GRM8: variants seen among roughly 807,000 people sequenced by gnomAD.
GRM8 encodes glutamate metabotropic receptor 8.
In GRM8, 47 loss-of-function variants were observed where a neutral mutation model predicts 87.2. That is an observed-to-expected ratio of 0.54 (90% CI 0.43 to 0.69). The LOEUF is 0.69. Among genes scored for constraint, GRM8 ranks in the 30% least tolerant of loss-of-function variants. The pLI is 0.00. For synonymous variants in GRM8, 396 were observed against 404.5 expected, an observed-to-expected ratio of 0.98 and a Z score of 0.25; for missense variants, 1,019 against 1,139.2, an observed-to-expected ratio of 0.89 and a Z score of 1.52.
At chr7:126,444,408 T>C (rs925910253) in intron 10 of GRM8, among the ~76,000 whole-genome samples, 2 of 152,112 alleles carry the variant, frequency 1.3e-5, no homozygotes, top group Non-Finnish European at 2.9e-5. Context: ...TTGCTTCGCA[T>C]ATTTCTTACT....
At chr7:126,450,970 A>G (rs2150482734) in intron 9 of GRM8, among the ~76,000 whole-genome samples, 1 of 152,034 alleles carries the variant, frequency 6.6e-6, no homozygotes, top group South Asian at 2.1e-4. Context: ...CTTGTACACA[A>G]GACCCTGTAA....
At chr7:127,024,895 C>T (rs1411132749) in intron 3 of GRM8, among the ~76,000 whole-genome samples, 2 of 152,074 alleles carry the variant, frequency 1.3e-5, no homozygotes, top group Non-Finnish European at 2.9e-5. Context: ...CTGCCCTGCC[C>T]TTCATACGAT....
At chr7:126,475,726 A>T (rs1418689885) in intron 9 of GRM8, among the ~76,000 whole-genome samples, 2 of 152,300 alleles carry the variant, frequency 1.3e-5, no homozygotes, top group East Asian at 3.9e-4. Flanking sequence ...TACATTACAA[A>T]GCTATAGTAA....
chr7:126,796,638 C>A (rs940641958), intron 6 of GRM8, among the ~76,000 whole-genome samples: 11 of 152,044 alleles, frequency 7.2e-5, no homozygotes, highest in African/African-American at 2.7e-4. Flanking sequence ...CAAGATGCCA[C>A]CTCATTTGAG....
At chr7:127,237,527 G>A (rs754132201) in intron 2 of GRM8, among the ~76,000 whole-genome samples, 19 of 152,208 alleles carry the variant, frequency 1.2e-4, no homozygotes, top group Non-Finnish European at 2.2e-4. Flanking sequence ...CAGGGTAGGC[G>A]AAGACTGCCA....
chr7:126,536,184 C>T (rs1815686750), intron 8 of GRM8, among the ~76,000 whole-genome samples: 1 of 152,188 alleles, frequency 6.6e-6, no homozygotes, highest in African/African-American at 2.4e-5. Context: ...TGTATACTTC[C>T]AAAGCAGCCC....
At chr7:127,218,296 C>T (rs1341902131) in intron 2 of GRM8, among the ~76,000 whole-genome samples, 2 of 152,192 alleles carry the variant, frequency 1.3e-5, no homozygotes, top group Non-Finnish European at 2.9e-5. Context: ...TAGCAACCAG[C>T]TGGGGAATGA....
chr7:127,244,854 A>G (rs190448343), intron 1 of GRM8, among the ~76,000 whole-genome samples: 1 of 152,162 alleles, frequency 6.6e-6, no homozygotes, highest in Non-Finnish European at 1.5e-5. Context: ...CCACTGCCCC[A>G]TATTTCTGAG....
chr7:126,972,320 T>A (rs1027000647), intron 3 of GRM8, among the ~76,000 whole-genome samples: 1 of 152,190 alleles, frequency 6.6e-6, no homozygotes, highest in African/African-American at 2.4e-5. Flanking sequence ...AGCAAAAAAA[T>A]TACTATTTGA....
intron 9 of GRM8, among the ~76,000 whole-genome samples, chr7:126,516,496 C>A (rs1449310162): frequency 2.6e-5 from 4 of 151,862 alleles, no homozygotes; most frequent in Non-Finnish European, 5.9e-5. Context: ...TTTTAAATGA[C>A]TCAAAATAAA....
intron 3 of GRM8, among the ~76,000 whole-genome samples, chr7:127,040,979 A>T (rs1393527816): frequency 6.6e-6 from 1 of 152,260 alleles, no homozygotes; most frequent in Non-Finnish European, 1.5e-5. Context: ...AATATGTAGC[A>T]TAGTGGTTGA....
In GRM8 at chr7:126,888,595, A is replaced by C. The variant is rs1800712161; in HGVS notation, c.1156+13947T>G. On this transcript the variant is annotated intron_variant, in intron 6 of 10. Coordinates refer to ENST00000339582, the MANE Select transcript of GRM8 (RefSeq NM_000845.3). The stretch of plus-strand genomic sequence containing the variant: ...CTGATGGATTCTTGAGCCCCTTTTC[A>C]GTTTTAGATAATCTCCCTGTGGTTT... 5.9e-5 allele frequency among the ~76,000 whole-genome samples: 9 copies of C among 152,036 alleles called. No individual in the cohort carries two copies. In the South Asian group the frequency reaches 1.9e-3, roughly 32 times the overall value.
At chr7:126,610,412 C>T (rs1156456766) in intron 7 of GRM8, among the ~76,000 whole-genome samples, 2 of 152,028 alleles carry the variant, frequency 1.3e-5, no homozygotes, top group Non-Finnish European at 2.9e-5. Context: ...ACACCAATCC[C>T]TTTTCTTGGT....
At chr7:126,725,829 G>A (rs1253347347) in intron 7 of GRM8, among the ~76,000 whole-genome samples, 2 of 152,132 alleles carry the variant, frequency 1.3e-5, no homozygotes, top group Admixed American at 1.3e-4. Context: ...GCCAGACTAG[G>A]AGTAAAGGAG....
intron 7 of GRM8, among the ~76,000 whole-genome samples, chr7:126,719,108 C>A (rs1812086044): frequency 6.6e-6 from 1 of 152,116 alleles, no homozygotes; most frequent in African/African-American, 2.4e-5. Context: ...ATTATTAAAG[C>A]TCTGTGAACT....
intron 3 of GRM8, among the ~76,000 whole-genome samples, chr7:127,000,954 A>G (rs969853221): frequency 1.3e-5 from 2 of 151,670 alleles, no homozygotes; most frequent in African/African-American, 4.8e-5. Flanking sequence ...TACATATTAA[A>G]ATGTAAAGGA....
At chr7:126,791,951 G>A (rs1344477372) in intron 6 of GRM8, among the ~76,000 whole-genome samples, 1 of 152,210 alleles carries the variant, frequency 6.6e-6, no homozygotes, top group African/African-American at 2.4e-5. Flanking sequence ...TACTGATGCT[G>A]AGTTTGCTTC....
At chr7:127,163,114 T>A (rs1793221033) in intron 2 of GRM8, among the ~76,000 whole-genome samples, 1 of 152,098 alleles carries the variant, frequency 6.6e-6, no homozygotes, top group Non-Finnish European at 1.5e-5. Context: ...TGTATTGCTA[T>A]AAAGAGATAT....
At chr7:127,038,199 A>G (rs952597905) in intron 3 of GRM8, among the ~76,000 whole-genome samples, 3 of 152,154 alleles carry the variant, frequency 2.0e-5, no homozygotes, top group Non-Finnish European at 4.4e-5. Flanking sequence ...TTTTTCCCTT[A>G]GCATCTAAAT....
Sources: allele counts gnomAD v4.1 joint callset (sites outside exome capture counted in the v4.1 genomes callset), GRCh38; gene constraint gnomAD v4.1.1; transcripts MANE v1.5; gene names NCBI Gene and HGNC (gene_info 2026-07-23, HGNC 2026-07-21).